Variants in TASP1 observed in about 807,000 individuals in gnomAD.
TASP1 encodes the protein threonine aspartase 1.
In TASP1, 16 loss-of-function variants were observed where a neutral mutation model predicts 56.6. That is an observed-to-expected ratio of 0.28 (90% CI 0.19 to 0.43). TASP1 has a LOEUF of 0.43. Ranked by LOEUF, TASP1 falls within the 20% of genes least tolerant of loss-of-function variation. The pLI is 1.00. For missense variants in TASP1, 393 were observed against 511.6 expected, an observed-to-expected ratio of 0.77 and a Z score of 2.24; for synonymous variants, 179 against 184.2, an observed-to-expected ratio of 0.97 and a Z score of 0.23.
chr20:13,602,544 G>A (rs1383919605), intron 4 of TASP1, among the ~76,000 whole-genome samples: 2 of 152,104 alleles, frequency 1.3e-5, no homozygotes, highest in East Asian at 1.9e-4. Flanking sequence ...CTAAACCAGT[G>A]GTCCCCAACC....
intron 8 of TASP1, among the ~76,000 whole-genome samples, chr20:13,551,708 G>A (rs2045987372): frequency 6.6e-6 from 1 of 152,208 alleles, no homozygotes; most frequent in African/African-American, 2.4e-5. Context: ...CATAAGCCAA[G>A]TACAGCAATT....
chr20:13,228,580 CTTTAT>C, the TASP1 span, among the ~76,000 whole-genome samples: 2 of 151,690 alleles, frequency 1.3e-5, no homozygotes, highest in South Asian at 4.2e-4. Context: ...GATTTTTTTC[CTTTAT>C]TTTAATGTTC....
chr20:13,409,475 T>C (rs1294050543), intron 13 of TASP1, among the ~76,000 whole-genome samples: 1 of 152,158 alleles, frequency 6.6e-6, no homozygotes, highest in Admixed American at 6.5e-5. Flanking sequence ...ATTTTCAATA[T>C]GAAATGTCCT....
the TASP1 span, among the ~76,000 whole-genome samples, chr20:13,296,281 G>T: frequency 6.6e-6 from 1 of 152,062 alleles, no homozygotes; most frequent in Non-Finnish European, 1.5e-5. Context: ...GCCCAGCTGC[G>T]CATGAATGCA....
chr20:13,588,299 A>G (rs1450250165), intron 4 of TASP1, among the ~76,000 whole-genome samples: 13 of 118,028 alleles, frequency 1.1e-4, no homozygotes, highest in African/African-American at 4.1e-4. Flanking sequence ...GGAAGGAAGG[A>G]AGGAAGGAAG....
downstream of TASP1, among the ~76,000 whole-genome samples, chr20:13,387,196 T>C (rs2041170378): frequency 7.1e-6 from 1 of 139,906 alleles, no homozygotes; most frequent in Admixed American, 7.0e-5. Flanking sequence ...TTTTTTTTTT[T>C]TTTTTTTTTT....
chr20:13,304,123 GT>G, the TASP1 span, among the ~76,000 whole-genome samples: 3 of 152,180 alleles, frequency 2.0e-5, no homozygotes, highest in Non-Finnish European at 2.9e-5. Flanking sequence ...AACTTGTAAA[GT>G]TTTTTGTAGG....
intron 8 of TASP1, among the ~76,000 whole-genome samples, chr20:13,544,746 C>A (rs1007413499): frequency 6.6e-6 from 1 of 152,168 alleles, no homozygotes; most frequent in Admixed American, 6.5e-5. Context: ...GACCTCTGGT[C>A]TTTCTTTCAT....
the TASP1 span, among the ~76,000 whole-genome samples, chr20:13,112,766 C>T: frequency 6.6e-6 from 1 of 152,220 alleles, no homozygotes; most frequent in South Asian, 2.1e-4. Context: ...AAGCCTCAAT[C>T]GCTCTTGGGG....
the TASP1 span, among the ~76,000 whole-genome samples, chr20:13,115,739 T>C: frequency 6.6e-6 from 1 of 151,978 alleles, no homozygotes; most frequent in African/African-American, 2.4e-5. Context: ...CCTCCTAAGC[T>C]CCTCCTCCTG....
chr20:13,465,765 T>C (rs1239456327), intron 11 of TASP1, among the ~76,000 whole-genome samples: 4 of 138,316 alleles, frequency 2.9e-5, no homozygotes, highest in African/African-American at 1.1e-4. Flanking sequence ...ATTCCATCTA[T>C]ATAACATTTT....
chr20:13,232,072 G>C, the TASP1 span, among the ~76,000 whole-genome samples: 1 of 152,180 alleles, frequency 6.6e-6, no homozygotes, highest in Non-Finnish European at 1.5e-5. Flanking sequence ...ACAAATAACA[G>C]ACATGCCTTG....
chr20:13,254,373 T>C, the TASP1 span, among the ~76,000 whole-genome samples: 1 of 152,198 alleles, frequency 6.6e-6, no homozygotes, highest in Non-Finnish European at 1.5e-5. Context: ...AGAAAATATT[T>C]GAATTCATAT....
intron 13 of TASP1, among the ~76,000 whole-genome samples, chr20:13,395,700 T>C (rs1375777527): frequency 6.6e-6 from 1 of 151,570 alleles, no homozygotes; most frequent in African/African-American, 2.4e-5. Flanking sequence ...TTTCTTTTTT[T>C]TTTTTTTTTC....
chr20:13,217,773 T>G, the TASP1 span, among the ~76,000 whole-genome samples: 1 of 152,350 alleles, frequency 6.6e-6, no homozygotes, highest in East Asian at 1.9e-4. Flanking sequence ...AAGATTATAC[T>G]TGTCAGGATG....
At chr20:13,112,427 A>G in the TASP1 span, among the ~76,000 whole-genome samples, 2 of 152,320 alleles carry the variant, frequency 1.3e-5, no homozygotes, top group South Asian at 4.1e-4. Flanking sequence ...CGGCACTGAG[A>G]CATTATCACT....
At chr20:13,588,323 AGG>A (rs2047396818) in intron 4 of TASP1, among the ~76,000 whole-genome samples, 10 of 149,658 alleles carry the variant, frequency 6.7e-5, no homozygotes, top group South Asian at 2.1e-4. Context: ...AAGAAAAGGA[AGG>A]AAGGAAGGAA....
At chr20:13,406,733 C>CTCTG (rs2041938435) in intron 13 of TASP1, among the ~76,000 whole-genome samples, 1 of 141,534 alleles carries the variant, frequency 7.1e-6, no homozygotes, top group Non-Finnish European at 1.5e-5. Flanking sequence ...GTGGTGTGAT[C>CTCTG]TCTGCTCACT....
At chr20:13,598,794 G>C (rs1305082845) in intron 4 of TASP1, among the ~76,000 whole-genome samples, 1 of 152,052 alleles carries the variant, frequency 6.6e-6, no homozygotes, top group East Asian at 1.9e-4. Flanking sequence ...ATCTGACAAA[G>C]GGCTAATATC....
Sources: gnomAD v4.1 joint callset for allele counts (sites outside exome capture counted in the v4.1 genomes callset) on GRCh38, gnomAD v4.1.1 for gene constraint, MANE v1.5 for transcripts, NCBI Gene and HGNC (gene_info 2026-07-23, HGNC 2026-07-21) for gene names.